The following ZFHX3 variants were observed in gnomAD, a reference collection of about 807,000 sequenced individuals.
ZFHX3 encodes zinc finger homeobox 3.
Under a neutral mutation model 279.1 loss-of-function variants are expected in ZFHX3, and 42 were observed. That is an observed-to-expected ratio of 0.15 (90% CI 0.12 to 0.19). ZFHX3 has a LOEUF of 0.19. ZFHX3 is among the 10% of genes least tolerant of loss of function. ZFHX3 has a pLI of 1.00. For missense variants in ZFHX3, 4,981 were observed against 4,754.0 expected (o/e 1.05, Z -1.40); for synonymous variants, 2,293 against 1,957.8 (o/e 1.17, Z -4.52).
At chr16:73,654,191 A>G (rs1441803635) in intron 2 of ZFHX3, among the ~76,000 whole-genome samples, 1 of 152,040 alleles carries the variant, frequency 6.6e-6, no homozygotes, top group East Asian at 1.9e-4. Context: ...CTCAAAAAAA[A>G]AAAAAAAAAG....
intron 5 of ZFHX3, among the ~76,000 whole-genome samples, chr16:73,151,824 A>G (rs572456785): frequency 1.4e-4 from 21 of 152,140 alleles, no homozygotes; most frequent in Admixed American, 5.9e-4. Context: ...CTACACAAAG[A>G]AAAGTGAACT....
At chr16:73,337,550 C>T (rs1244918374) in intron 3 of ZFHX3, among the ~76,000 whole-genome samples, 3 of 152,146 alleles carry the variant, frequency 2.0e-5, no homozygotes, top group Non-Finnish European at 4.4e-5. Context: ...CATTGATCAC[C>T]TTGCATAGCA....
At chr16:73,146,537 A>G (rs780949324) in intron 5 of ZFHX3, among the ~76,000 whole-genome samples, 8 of 152,182 alleles carry the variant, frequency 5.3e-5, no homozygotes, top group Non-Finnish European at 1.2e-4. Flanking sequence ...ACTAGAAAGC[A>G]TGAATGGGAG....
chr16:72,827,051 T>C (rs1468543171), intron 5 of ZFHX3, among the ~76,000 whole-genome samples: 1 of 152,204 alleles, frequency 6.6e-6, no homozygotes, highest in African/African-American at 2.4e-5. Flanking sequence ...AGGCAGCACA[T>C]AGAGTAGGGA....
chr16:72,994,005 C>T (rs1045357826), intron 1 of ZFHX3, among the ~76,000 whole-genome samples: 1 of 152,142 alleles, frequency 6.6e-6, no homozygotes, highest in Non-Finnish European at 1.5e-5. Flanking sequence ...ACTCCAGCCC[C>T]GACGACAGAT....
chr16:73,807,364 C>G (rs1361294130), intron 1 of ZFHX3, among the ~76,000 whole-genome samples: 1 of 152,092 alleles, frequency 6.6e-6, no homozygotes, highest in African/African-American at 2.4e-5. Context: ...CAAGAGCATT[C>G]AAATCCACTG....
At chr16:73,872,184 T>G (rs1197230624) in intron 1 of ZFHX3, among the ~76,000 whole-genome samples, 1 of 152,040 alleles carries the variant, frequency 6.6e-6, no homozygotes, top group Non-Finnish European at 1.5e-5. Flanking sequence ...TGAATGCTGC[T>G]TATTCTCCAA....
upstream of ZFHX3, among the ~76,000 whole-genome samples, chr16:73,063,337 A>G (rs1597144506): frequency 6.6e-6 from 1 of 152,120 alleles, no homozygotes; most frequent in East Asian, 1.9e-4. Flanking sequence ...ATAGGGAGGG[A>G]GAAACTAGAG....
At chr16:73,624,641 A>AC (rs2052398529) in intron 2 of ZFHX3, among the ~76,000 whole-genome samples, 1 of 99,102 alleles carries the variant, frequency 1.0e-5, no homozygotes, top group Non-Finnish European at 2.6e-5. Context: ...TCTATCCCCC[A>AC]GAAAAAAAAA....
intron 8 of ZFHX3, among the ~76,000 whole-genome samples, chr16:73,065,264 G>A (rs1965733260): frequency 6.6e-6 from 1 of 152,230 alleles, no homozygotes. Context: ...AGACACGCAG[G>A]CGTGCGATAA....
intron 5 of ZFHX3, among the ~76,000 whole-genome samples, chr16:73,196,121 ATCAAGTGCCAT>A (rs1968142982): frequency 7.2e-6 from 1 of 139,588 alleles, no homozygotes; most frequent in Admixed American, 7.5e-5. Context: ...TACCATTATT[ATCAAGTGCCAT>A]CTGTTTCTCT....
chr16:73,127,240 C>G lies in ZFHX3; in HGVS notation c.-897+3728G>C, dbSNP rs377548773. ...TGAGCTGTTACACAGCGGTTAGTAT[C>G]GATCAGAGCTAAAGGCTGCCGATAG... On this transcript the variant is annotated intron_variant, in intron 7 of 17. Coordinates refer to the ZFHX3 transcript ENST00000641206. 21 of 925,530 alleles carry G rather than the reference C, an allele frequency of 2.3e-5. No individual in the cohort carries two copies. In the African/African-American group the frequency reaches 3.1e-4, roughly 14 times the overall value. 57.3% of individuals were successfully genotyped at this position (925,530 alleles called of 1,614,324 possible).
Position 72,921,846 on chromosome 16 carries a change from C to T in ZFHX3, c.3216+28623G>A, listed in dbSNP as rs186390916. Among the ~76,000 whole-genome samples, 1,249 of 152,288 alleles carry T rather than the reference C, an allele frequency of 8.2e-3. 36 individuals are homozygous for T. The highest frequency in any genetic ancestry group is 0.033 in the Admixed American group (502 of 15,308). Reference sequence around the variant, plus strand: ...TGGCCGGTTTCCTAGCAACCCTCACCGGCAGCAGGCAGTACCCCAGGCAAG... The same window carrying T: ...TGGCCGGTTTCCTAGCAACCCTCACTGGCAGCAGGCAGTACCCCAGGCAAG... On this transcript the variant is annotated intron_variant, in intron 3 of 9. Coordinates refer to ENST00000268489, the MANE Select transcript of ZFHX3 (RefSeq NM_006885.4).
At chr16:73,699,299 C>G (rs74028430) in intron 1 of ZFHX3, among the ~76,000 whole-genome samples, 2,764 of 152,090 alleles carry the variant, frequency 0.018, 90 homozygotes, top group African/African-American at 0.063. Flanking sequence ...TTCTCTAAGT[C>G]TGAAATTATT....
chr16:72,907,016 T>C (rs1447125223), intron 3 of ZFHX3, among the ~76,000 whole-genome samples: 1 of 152,108 alleles, frequency 6.6e-6, no homozygotes, highest in Non-Finnish European at 1.5e-5. Flanking sequence ...GGCCGTGCTT[T>C]CTCCCGGGGC....
rs1445846582 is a variant in ZFHX3, at chr16:72,915,340, A to G, written c.3217-25378T>C. On this transcript the variant is annotated intron_variant, in intron 3 of 9. Coordinates refer to ENST00000268489, the MANE Select transcript of ZFHX3 (RefSeq NM_006885.4). ...TGACTGGGCAGACAGCAGATCTTCC[A>G]TCAACACCTAGACTCGCAGAACACA... Among the ~76,000 whole-genome samples the G allele has an allele frequency of 2.0e-5, 3 of 152,206 alleles. No individual in the cohort carries two copies. The East Asian group carries it at 5.8e-4, about 29-fold the overall frequency.
At chr16:73,459,275 T>G (rs1427358919) in intron 2 of ZFHX3, among the ~76,000 whole-genome samples, 2 of 152,234 alleles carry the variant, frequency 1.3e-5, no homozygotes, top group African/African-American at 4.8e-5. Flanking sequence ...CATTTGCCAT[T>G]TCCTCTGTAT....
At chr16:73,320,859 G>A (rs36118662) in intron 3 of ZFHX3, among the ~76,000 whole-genome samples, 27,695 of 152,100 alleles carry the variant, frequency 0.18, 2,683 homozygotes, top group East Asian at 0.28. Context: ...CCTTCACACC[G>A]GCAAATGTCT....
At chr16:73,588,873 G>C (rs1467791621) in intron 2 of ZFHX3, among the ~76,000 whole-genome samples, 1 of 151,938 alleles carries the variant, frequency 6.6e-6, no homozygotes, top group African/African-American at 2.4e-5. Context: ...AGAGAACATG[G>C]AGAGGTCTAG....
Sources: gnomAD v4.1 joint callset for allele counts (sites outside exome capture counted in the v4.1 genomes callset) on GRCh38, gnomAD v4.1.1 for gene constraint, MANE v1.5 for transcripts, NCBI Gene and HGNC (gene_info 2026-07-23, HGNC 2026-07-21) for gene names.